The following USP25 variants were observed in gnomAD, a reference collection of about 807,000 sequenced individuals.
USP25 encodes ubiquitin specific peptidase 25.
In USP25, 85 loss-of-function variants were observed where a neutral mutation model predicts 158.5. The observed-to-expected ratio is 0.54, with a 90% CI of 0.45 to 0.64. USP25 has a LOEUF of 0.64. USP25 is among the 30% of genes least tolerant of loss of function. The probability of loss-of-function intolerance (pLI) is 0.00; values close to 1 mark genes in which losing one functional copy is unlikely to be tolerated. For missense variants in USP25, 1,242 were observed against 1,327.3 expected, an observed-to-expected ratio of 0.94 and a Z score of 1.00; for synonymous variants, 464 against 460.4, an observed-to-expected ratio of 1.01 and a Z score of -0.10.
intron 24 of USP25, 121 bp from the exon 25 acceptor site, chr21:15,877,675 C>T: frequency 2.9e-6 from 2 of 696,446 alleles, no homozygotes; most frequent in East Asian, 5.9e-5. Flanking sequence ...TCTCTAAATA[C>T]CGTTTGTTCT....
rs1440110409 is a variant in USP25 at position 15,826,355 on chromosome 21, A to T, written c.1456A>T (p.Thr486Ser). The T allele has an allele frequency of 6.2e-7, 1 of 1,613,926 alleles. No homozygotes were observed. Among genetic ancestry groups the T allele is most frequent in the South Asian group, 1.1e-5 (1 of 91,036 alleles). The change falls in exon 13 of 26, where the codon ACA (threonine) becomes TCA (serine). Residue 486 changes from threonine (T) to serine (S), a missense_variant. By Grantham distance (58) the Thr-to-Ser change is moderately conservative. Transcript: ENST00000400183. The surrounding 1 kb of genome is among the most constrained non-coding windows in gnomAD (Gnocchi z 4.8). ...SPPSGSIPSQ[T>S]LPSTTEQQGA... ...ACCTAGTGGTTCCATACCATCACAG[A>T]CATTACCAAGGTAAAAAGTAATCCT... is the stretch of plus-strand genomic sequence containing the variant.
intron 8 of USP25, among the ~76,000 whole-genome samples, chr21:15,809,144 T>C (rs1338725791): frequency 6.6e-6 from 1 of 152,152 alleles, no homozygotes; most frequent in African/African-American, 2.4e-5. Context: ...TGACGAGGAA[T>C]GAATTTGCGG....
Position 15,805,181 on chromosome 21 carries a change from A to G in USP25, c.703A>G (p.Thr235Ala). The G allele has an allele frequency of 6.2e-7, 1 of 1,610,086 alleles. No individual in the cohort carries two copies. The highest frequency in any genetic ancestry group is 1.1e-5 in the South Asian group (1 of 90,344). The change falls in exon 7 of 26, where the codon ACC (threonine) becomes GCC (alanine). Residue 235 changes from threonine to alanine, a missense_variant. Thr to Ala is a moderately conservative substitution (Grantham distance 58, BLOSUM62 0). Around this residue, in one of 3 missense-constraint regions of USP25, gnomAD observed 627 missense variants for 701.4 expected, o/e 0.89. Transcript: ENST00000400183. ...LRYLFALLVGTKRKYVDPSRA... is the reference protein window; with the variant it reads ...LRYLFALLVGAKRKYVDPSRA... ...GTATCTATTTGCACTTCTTGTTGGTACCAAAAGGAAGTATGTTGATCCATC... is the reference window on the plus strand; with the variant it reads ...GTATCTATTTGCACTTCTTGTTGGTGCCAAAAGGAAGTATGTTGATCCATC...
chr21:15,745,734 C>T (rs899601975), intron 1 of USP25, among the ~76,000 whole-genome samples: 6 of 152,150 alleles, frequency 3.9e-5, no homozygotes, highest in African/African-American at 1.4e-4. Context: ...CCTCGGTCTC[C>T]CAAAGTGCTG....
intron 1 of USP25, among the ~76,000 whole-genome samples, chr21:15,731,595 A>G (rs2030911630): frequency 1.3e-5 from 2 of 152,210 alleles, no homozygotes; most frequent in South Asian, 4.1e-4. Flanking sequence ...AAAGTAATCG[A>G]AGATACTCAA....
Position 15,816,137 on chromosome 21 carries a change from G to T in USP25, c.932-2561G>T, listed in dbSNP as rs1033264819. Among the ~76,000 whole-genome samples, 1 of 152,112 alleles carries T rather than the reference G, an allele frequency of 6.6e-6. No individual in the cohort carries two copies. ...GCGGAGGTAACTGAATCATGGTGGG[G>T]CAGTCTTTCCTGTGCTATTCTCATG... On this transcript the variant is annotated intron_variant, in intron 9 of 25. Coordinates refer to ENST00000400183, the MANE Select transcript of USP25 (RefSeq NM_001283041.3). This position sits in a 1 kb window ranked among gnomAD's most constrained non-coding sequence, Gnocchi z 4.0.
At chr21:15,777,800 G>A in intron 3 of USP25, 104 bp from the exon 4 acceptor site, 6 of 1,048,634 alleles carry the variant, frequency 5.7e-6, no homozygotes, top group Non-Finnish European at 7.8e-6. Context: ...AAATTAGTTG[G>A]TACTGACTGG....
At chr21:15,745,117 T>C (rs979396293) in intron 1 of USP25, 1 of 152,304 alleles carries the variant, frequency 6.6e-6, no homozygotes, top group African/African-American at 2.4e-5. Context: ...AGGGGCATCT[T>C]TTATGGTCGG....
intron 1 of USP25, among the ~76,000 whole-genome samples, chr21:15,734,707 G>A (rs1265052983): frequency 6.6e-6 from 1 of 151,912 alleles, no homozygotes; most frequent in Non-Finnish European, 1.5e-5. Context: ...TACAATTTAT[G>A]TTAGTTTCTA....
At chr21:15,841,701 A>G (rs978335422) in intron 17 of USP25, among the ~76,000 whole-genome samples, 1 of 152,144 alleles carries the variant, frequency 6.6e-6, no homozygotes, top group African/African-American at 2.4e-5. Flanking sequence ...GGTGTTCTCC[A>G]CAGATGACTG....
chr21:15,796,204 A>G lies in USP25; in HGVS notation c.556-3553A>G, dbSNP rs181918728. ...TGAAGGAATACATTGGACAGTCCTC[A>G]TATGACTTTGGTGAAGGATATAGGG... On this transcript the variant is annotated intron_variant, in intron 5 of 25. Transcript: ENST00000400183. Among the ~76,000 whole-genome samples, 21 of 151,684 alleles carry G rather than the reference A, an allele frequency of 1.4e-4. No individual in the cohort carries two copies. In the East Asian group the frequency reaches 3.9e-3, roughly 28 times the overall value.
intron 20 of USP25, among the ~76,000 whole-genome samples, chr21:15,861,767 G>A (rs1054441722): frequency 1.3e-5 from 2 of 151,984 alleles, no homozygotes; most frequent in African/African-American, 4.8e-5. Context: ...TTCTTAAGAA[G>A]GAAGTGTATA....
intron 6 of USP25, among the ~76,000 whole-genome samples, chr21:15,803,863 T>C (rs548677047): frequency 6.6e-6 from 1 of 152,082 alleles, no homozygotes; most frequent in African/African-American, 2.4e-5. Context: ...TTGGAATCTA[T>C]TCTAGAAGCA....
At position 15,843,393 on chromosome 21, in the gene USP25, C is replaced by T. The variant is rs117650282; in HGVS notation, c.2337+853C>T. 7.6e-3 allele frequency among the ~76,000 whole-genome samples: 1,158 copies of T among 152,188 alleles called. 7 individuals carry two copies. The highest frequency in any genetic ancestry group is 0.012 in the Non-Finnish European group (809 of 67,992). On this transcript the variant is annotated intron_variant, in intron 18 of 25. Coordinates refer to ENST00000400183, the MANE Select transcript of USP25 (RefSeq NM_001283041.3). This position sits in a 1 kb window ranked among gnomAD's most constrained non-coding sequence, Gnocchi z 4.0. Reference sequence around the variant, plus strand: ...TCTGCTTAGTAAGTGAATTCAGTGCCAGCAATAACCTGCTAATTGCAATGA... The same window carrying T: ...TCTGCTTAGTAAGTGAATTCAGTGCTAGCAATAACCTGCTAATTGCAATGA...
chr21:15,803,910 A>G (rs865838915), intron 6 of USP25, among the ~76,000 whole-genome samples: 2 of 151,944 alleles, frequency 1.3e-5, no homozygotes, highest in African/African-American at 4.8e-5. Context: ...TTGGGCAGCA[A>G]CTATGTAAAG....
chr21:15,779,471 T>TTATATGAATTTATATGAG (rs1192369452), intron 4 of USP25, among the ~76,000 whole-genome samples: 4 of 151,772 alleles, frequency 2.6e-5, no homozygotes, highest in African/African-American at 9.7e-5. Context: ...ATATTTTTGT[T>TTATATGAATTTATATGAG]TATATGAATT....
chr21:15,853,325 G>A (rs572348778), intron 20 of USP25, among the ~76,000 whole-genome samples: 45 of 151,788 alleles, frequency 3.0e-4, no homozygotes, highest in Admixed American at 8.5e-4. Context: ...ACATGTACAC[G>A]CACACGTGTA....
chr21:15,864,101 A>G (rs1031417955), intron 20 of USP25, among the ~76,000 whole-genome samples, 167 bp from the exon 21 acceptor site: 28 of 136,422 alleles, frequency 2.1e-4, no homozygotes, highest in African/African-American at 6.3e-4. Flanking sequence ...CCTTGAGTCT[A>G]TGGAACATGG....
Position 15,730,227 on chromosome 21 carries a change from C to A in USP25, c.-167C>A, listed in dbSNP as rs529968605. On this transcript the variant is annotated 5_prime_UTR_variant, in exon 1 of 26. Transcript: ENST00000400183. ...GCGTTTCGCCGCCTGCCCGCGGTGC[C>A]CGCGCACGCCGGCCGCCATCGCCTT... The A allele has an allele frequency of 4.2e-3, 3,127 of 739,950 alleles. 70 individuals are homozygous for A. In the African/African-American group the frequency reaches 0.056, roughly 13 times the overall value. The allele number at this position is 739,950 out of a possible 1,614,324, so 45.8% of individuals were successfully genotyped here. A position where few individuals can be genotyped will look rare whatever the true frequency, so the allele number is the denominator to read the frequency against.
Sources: allele counts gnomAD v4.1 joint callset (sites outside exome capture counted in the v4.1 genomes callset), GRCh38; gene constraint gnomAD v4.1.1; regional missense constraint gnomAD v4.1.1; non-coding constraint Gnocchi (gnomAD v3.1); transcripts MANE v1.5; gene names NCBI Gene and HGNC (gene_info 2026-07-23, HGNC 2026-07-21).